The following ZNF700 variants were observed in gnomAD, a reference collection of about 807,000 sequenced individuals.
ZNF700 encodes the protein zinc finger protein 700.
A neutral mutation model predicts 65.3 loss-of-function variants in ZNF700; 38 were observed. The observed-to-expected ratio is 0.58, with a 90% CI of 0.45 to 0.76. The LOEUF is 0.76. ZNF700 is among the 30% of genes least tolerant of loss of function. ZNF700 has a pLI of 0.00. For missense variants in ZNF700, 857 were observed against 888.4 expected (o/e 0.96, Z 0.45); for synonymous variants, 285 against 290.4 (o/e 0.98, Z 0.19).
Position 11,948,549 on chromosome 19 carries a change from C to T in ZNF700, c.525C>T (p.Phe175=), listed in dbSNP as rs1259566181. The change falls in exon 4 of 4, where the codon TTC becomes TTT. Residue 175 remains phenylalanine (F), a synonymous_variant. Transcript: ENST00000254321. The part of the protein sequence containing the change: ...KCQQPKNKKA[F]RYRPSIRTQE... ...AACAACCTAAAAATAAGAAAGCCTT[C>T]AGGTATCGCCCATCCATTAGAACAC... The T allele has an allele frequency of 3.1e-6, 5 of 1,609,090 alleles. No individual in the cohort carries two copies. Among genetic ancestry groups the T allele is most frequent in the Non-Finnish European group, 4.2e-6 (5 of 1,178,982 alleles).
chr19:11,928,943 A>T (rs1204286390), intron 1 of ZNF700, among the ~76,000 whole-genome samples: 4 of 146,536 alleles, frequency 2.7e-5, no homozygotes, highest in Admixed American at 6.7e-5. Context: ...AATATAAGTT[A>T]AAAAAAATAG....
chr19:11,944,985 C>T (rs539752664), intron 1 of ZNF700, among the ~76,000 whole-genome samples: 1 of 152,342 alleles, frequency 6.6e-6, no homozygotes, highest in South Asian at 2.1e-4. Flanking sequence ...ACCTGTCCTC[C>T]CTCTGCCTGG....
intron 1 of ZNF700, chr19:11,926,820 A>G (rs557022637): frequency 6.5e-6 from 1 of 153,778 alleles, no homozygotes; most frequent in East Asian, 1.9e-4. Flanking sequence ...TCACTCCGAA[A>G]TAATAGAAAG....
chr19:11,944,015 G>A (rs1035865119), intron 1 of ZNF700, among the ~76,000 whole-genome samples: 4 of 152,094 alleles, frequency 2.6e-5, no homozygotes, highest in East Asian at 1.9e-4. Context: ...CTACCTTCAC[G>A]GTGGTGTGAG....
chr19:11,941,628 G>T (rs1972885910), intron 1 of ZNF700, among the ~76,000 whole-genome samples: 1 of 152,178 alleles, frequency 6.6e-6, no homozygotes, highest in Non-Finnish European at 1.5e-5. Flanking sequence ...CAGAACTCCA[G>T]CTGGCCCGCA....
At chr19:11,938,861 A>G (rs915561092) in intron 1 of ZNF700, among the ~76,000 whole-genome samples, 3 of 152,164 alleles carry the variant, frequency 2.0e-5, no homozygotes, top group African/African-American at 2.4e-5. Flanking sequence ...AAGTGTTCCT[A>G]TTTCTCCACA....
intron 1 of ZNF700, among the ~76,000 whole-genome samples, chr19:11,925,662 C>A (rs1170422421): frequency 1.3e-5 from 2 of 152,194 alleles, no homozygotes; most frequent in African/African-American, 4.8e-5. Flanking sequence ...CCCACTTTCT[C>A]CTGTTAAAAA....
intron 1 of ZNF700, among the ~76,000 whole-genome samples, chr19:11,936,582 A>T (rs1972799857): frequency 6.6e-6 from 1 of 151,818 alleles, no homozygotes; most frequent in Non-Finnish European, 1.5e-5. Context: ...TAGATTCTGG[A>T]TATTAGTCGT....
intron 1 of ZNF700, among the ~76,000 whole-genome samples, chr19:11,941,899 C>T (rs1046218079): frequency 2.0e-5 from 3 of 152,172 alleles, no homozygotes; most frequent in Middle Eastern, 3.2e-3. Flanking sequence ...TCCATTCAGC[C>T]GTCAGTGGAT....
chr19:11,938,876 C>T (rs1045951703), intron 1 of ZNF700, among the ~76,000 whole-genome samples: 1 of 152,190 alleles, frequency 6.6e-6, no homozygotes, highest in African/African-American at 2.4e-5. Context: ...TCCACATCCT[C>T]TCCAGCACCT....
In ZNF700 at chr19:11,928,989, T is replaced by C. The variant is rs140481915; in HGVS notation, c.63+3716T>C. ...AAGGGTCTTTCCTGTTTCCCTTCAG[T>C]CATTTACAACATTTTACAAAACGCT... is the stretch of plus-strand genomic sequence containing the variant. On this transcript the variant is annotated intron_variant, in intron 1 of 3. Coordinates refer to ENST00000254321, the MANE Select transcript of ZNF700 (RefSeq NM_144566.3). 3.7e-4 allele frequency among the ~76,000 whole-genome samples: 55 copies of C among 147,866 alleles called. 10 individuals carry two copies. Among genetic ancestry groups the C allele is most frequent in the African/African-American group, 1.5e-3 (55 of 37,652 alleles).
In ZNF700 at chr19:11,932,594, A is replaced by G. The variant is rs1018164814; in HGVS notation, c.63+7321A>G. Among the ~76,000 whole-genome samples the G allele has an allele frequency of 5.5e-5, 8 of 144,936 alleles. 2 individuals are homozygous for G. Among genetic ancestry groups the G allele is most frequent in the African/African-American group, 2.2e-4 (8 of 36,270 alleles). ...AACCTGGGTACCCATCCACATCAGT[A>G]TATTTTATTTTTGCATGTTTTTTAT... On this transcript the variant is annotated intron_variant, in intron 1 of 3. Coordinates refer to ENST00000254321, the MANE Select transcript of ZNF700 (RefSeq NM_144566.3).
rs934443715 is a variant in ZNF700 at position 11,925,218 on chromosome 19, G to T, written c.8G>T (p.Cys3Phe). Residue 3 changes from cysteine to phenylalanine, a missense_variant, in exon 1 of 4, where the codon TGC becomes TTC. Coordinates refer to ENST00000254321, the MANE Select transcript of ZNF700 (RefSeq NM_144566.3). Reference sequence around the variant, plus strand: ...CGCTCTGTCGCCTGCGCTATGCCCTGCTGTAGTCACAGGAGCTGTAGAGAG... The same window carrying T: ...CGCTCTGTCGCCTGCGCTATGCCCTTCTGTAGTCACAGGAGCTGTAGAGAG... MP[C>F]CSHRSCREDP... 14 of 1,612,636 alleles carry T rather than the reference G, an allele frequency of 8.7e-6. No individual in the cohort carries two copies. The highest frequency in any genetic ancestry group is 1.7e-5 in the Admixed American group (1 of 59,956).
At chr19:11,928,704 C>T (rs900352118) in intron 1 of ZNF700, among the ~76,000 whole-genome samples, 1 of 141,402 alleles carries the variant, frequency 7.1e-6, no homozygotes, top group Admixed American at 6.9e-5. Context: ...TGCATTCCAG[C>T]CTGGGCGACA....
Position 11,941,647 on chromosome 19 carries a change from G to T in ZNF700, c.64-5534G>T, listed in dbSNP as rs369573283. On this transcript the variant is annotated intron_variant, in intron 1 of 3. Coordinates refer to ENST00000254321, the MANE Select transcript of ZNF700 (RefSeq NM_144566.3). ...ACTCCAGCTGGCCCGCAAGCGCCGC[G>T]CGCAGCCCCAGTTCCCGCTCGCGCC... is the stretch of plus-strand genomic sequence containing the variant. Among the ~76,000 whole-genome samples, 3 of 152,232 alleles carry T rather than the reference G, an allele frequency of 2.0e-5. No homozygotes were observed. The East Asian group carries it at 5.8e-4, about 30-fold the overall frequency.
intron 1 of ZNF700, among the ~76,000 whole-genome samples, chr19:11,943,624 T>C (rs1416681247): frequency 2.0e-5 from 3 of 152,216 alleles, no homozygotes; most frequent in Non-Finnish European, 2.9e-5. Context: ...TTTCCTGGGT[T>C]ACACACTTTG....
At chr19:11,946,184 T>C (rs771945962) in intron 1 of ZNF700, among the ~76,000 whole-genome samples, 28 of 152,116 alleles carry the variant, frequency 1.8e-4, no homozygotes, top group Non-Finnish European at 3.7e-4. Context: ...TGTTTCTTCT[T>C]TAACTGGGGG....
chr19:11,946,948 A>G, intron 1 of ZNF700: 4 of 791,890 alleles, frequency 5.1e-6, no homozygotes, highest in Non-Finnish European at 7.0e-6. Context: ...ATATCACGCC[A>G]TTGTACTCCA....
rs1428312653 is a variant in ZNF700 at position 11,950,387 on chromosome 19, A to G, written c.*134A>G. 7 of 939,522 alleles carry G rather than the reference A, an allele frequency of 7.5e-6. No individual in the cohort carries two copies. In the African/African-American group the frequency reaches 8.3e-5, roughly 11 times the overall value. 58.2% of individuals were successfully genotyped at this position (939,522 alleles called of 1,614,324 possible). On this transcript the variant is annotated 3_prime_UTR_variant, in exon 4 of 4. Coordinates refer to ENST00000254321, the MANE Select transcript of ZNF700 (RefSeq NM_144566.3). ...AGGACTCACACTGGGGAGAAACCCT[A>G]TCAATGTAAGCAGTGTGGGAAAGCC...
Sources: gnomAD v4.1 joint callset for allele counts (sites outside exome capture counted in the v4.1 genomes callset) on GRCh38, gnomAD v4.1.1 for gene constraint, MANE v1.5 for transcripts, NCBI Gene and HGNC (gene_info 2026-07-23, HGNC 2026-07-21) for gene names.